PTPRN2: variants seen among roughly 807,000 people sequenced by gnomAD.
PTPRN2 encodes the protein protein tyrosine phosphatase receptor type N2.
Under a neutral mutation model 118.8 loss-of-function variants are expected in PTPRN2, and 74 were observed. That is an observed-to-expected ratio of 0.62 (90% CI 0.52 to 0.76). PTPRN2 has a LOEUF of 0.76. PTPRN2 is among the 30% of genes least tolerant of loss of function. The pLI, the probability that PTPRN2 is intolerant of heterozygous loss-of-function variation, is 0.00. For missense variants in PTPRN2, 1,481 were observed against 1,394.4 expected, an observed-to-expected ratio of 1.06 and a Z score of -0.99; for synonymous variants, 641 against 608.0, an observed-to-expected ratio of 1.05 and a Z score of -0.80.
At chr7:157,834,055 A>G (rs1426812599) in intron 12 of PTPRN2, among the ~76,000 whole-genome samples, 1 of 152,222 alleles carries the variant, frequency 6.6e-6, no homozygotes, top group East Asian at 1.9e-4. Context: ...CTATCCGCCA[A>G]TCAATGAGCC....
chr7:158,132,180 A>G (rs561201528), intron 9 of PTPRN2, among the ~76,000 whole-genome samples: 1 of 150,302 alleles, frequency 6.7e-6, no homozygotes, highest in African/African-American at 2.4e-5. Context: ...ACACACACAT[A>G]TACACACACA....
chr7:157,651,556 C>T (rs1008299726), intron 14 of PTPRN2, among the ~76,000 whole-genome samples: 3 of 152,152 alleles, frequency 2.0e-5, no homozygotes, highest in South Asian at 2.1e-4. Context: ...CCGACTCAGG[C>T]GTAATTAGTC....
chr7:158,089,868 C>CTGT (rs1563420473), intron 10 of PTPRN2, among the ~76,000 whole-genome samples: 34 of 57,400 alleles, frequency 5.9e-4, no homozygotes, highest in South Asian at 9.8e-4. Context: ...TCACACAAAC[C>CTGT]CTTCCTCCCC....
In PTPRN2 at chr7:157,861,271, C is replaced by T. The variant is rs776667188; in HGVS notation, c.1788+37402G>A. On this transcript the variant is annotated intron_variant, in intron 12 of 22. Transcript: ENST00000389418. The surrounding 1 kb of genome is among the most constrained non-coding windows in gnomAD (Gnocchi z 5.8). ...CGTGAAGTCTATACAATAATGGAACCGAAGCCCTCTGTGGGGAATCCGTGG... is the reference window on the plus strand; with the variant it reads ...CGTGAAGTCTATACAATAATGGAACTGAAGCCCTCTGTGGGGAATCCGTGG... Among the ~76,000 whole-genome samples the T allele has an allele frequency of 3.3e-5, 5 of 152,224 alleles. No homozygotes were observed. Among genetic ancestry groups the T allele is most frequent in the South Asian group, 2.1e-4 (1 of 4,836 alleles).
chr7:158,583,300 CT>C (rs1375374738), intron 1 of PTPRN2, among the ~76,000 whole-genome samples: 2 of 152,204 alleles, frequency 1.3e-5, no homozygotes, highest in Admixed American at 6.5e-5. Context: ...ACCAGCTAAC[CT>C]TTGTCCCGTG....
chr7:157,772,212 C>G (rs1176679389), intron 12 of PTPRN2, among the ~76,000 whole-genome samples: 1 of 151,592 alleles, frequency 6.6e-6, no homozygotes. Context: ...CACAGAGACA[C>G]ACATAGACAC....
At chr7:157,695,795 C>T (rs1671096687) in intron 12 of PTPRN2, among the ~76,000 whole-genome samples, 1 of 152,256 alleles carries the variant, frequency 6.6e-6, no homozygotes, top group African/African-American at 2.4e-5. Flanking sequence ...TCCATTGCAA[C>T]AATAGGGCAG....
rs1417247859 is a variant in PTPRN2 at position 158,438,060 on chromosome 7, C to T, written c.163+51675G>A. Among the ~76,000 whole-genome samples the T allele has an allele frequency of 6.6e-6, 1 of 152,192 alleles. No homozygotes were observed. The highest frequency in any genetic ancestry group is 1.9e-4 in the East Asian group (1 of 5,182). Reference sequence around the variant, plus strand: ...AGCCCGCAGGGAGTGGGCTCCCTAACAGTGCCCCTCCGATGGGTCTTTTTT... The same window carrying T: ...AGCCCGCAGGGAGTGGGCTCCCTAATAGTGCCCCTCCGATGGGTCTTTTTT... On this transcript the variant is annotated intron_variant, in intron 2 of 22. Transcript: ENST00000389418. The surrounding 1 kb of genome is among the most constrained non-coding windows in gnomAD (Gnocchi z 4.7).
At chr7:157,720,943 G>GT (rs2150913340) in intron 12 of PTPRN2, among the ~76,000 whole-genome samples, 1 of 152,320 alleles carries the variant, frequency 6.6e-6, no homozygotes, top group South Asian at 2.1e-4. Context: ...AGTTGAGGAA[G>GT]GTCTCATTAC....
chr7:158,331,230 G>T (rs60465273), intron 2 of PTPRN2, among the ~76,000 whole-genome samples: 1 of 7,612 alleles, frequency 1.3e-4, no homozygotes, highest in Non-Finnish European at 2.7e-4. Flanking sequence ...AAGAGCTGAC[G>T]CCCGCAGACG....
chr7:158,112,655 G>A (rs1816380547), intron 9 of PTPRN2, among the ~76,000 whole-genome samples: 1 of 152,216 alleles, frequency 6.6e-6, no homozygotes, highest in African/African-American at 2.4e-5. Context: ...ACGTGGACAT[G>A]GGGACCCCAG....
At chr7:157,655,343 G>A (rs993967640) in intron 14 of PTPRN2, among the ~76,000 whole-genome samples, 18 of 152,234 alleles carry the variant, frequency 1.2e-4, no homozygotes, top group African/African-American at 3.1e-4. Context: ...TCCCTGGAGC[G>A]TCAGCTGGGC....
At chr7:158,225,876 T>A (rs1259704209) in intron 3 of PTPRN2, among the ~76,000 whole-genome samples, 2 of 141,560 alleles carry the variant, frequency 1.4e-5, no homozygotes, top group Non-Finnish European at 3.0e-5. Flanking sequence ...GGATGGTGTA[T>A]GACATGGGGA....
At chr7:157,971,648 TTTGA>T (rs529532400) in intron 11 of PTPRN2, among the ~76,000 whole-genome samples, 3 of 152,066 alleles carry the variant, frequency 2.0e-5, no homozygotes, top group Non-Finnish European at 2.9e-5. Context: ...TCTTGCACAC[TTTGA>T]TTAAGACACA....
In PTPRN2 at chr7:157,598,239, G is replaced by C. The variant is rs55647063; in HGVS notation, c.2419-2924C>G. ...CACGGCACCTACTCTGGCTTCCTCC[G>C]GTCTTCATTCTTACCCTTCGCCTCC... is the stretch of plus-strand genomic sequence containing the variant. On this transcript the variant is annotated intron_variant, in intron 16 of 22. Coordinates refer to ENST00000389418, the MANE Select transcript of PTPRN2 (RefSeq NM_002847.5). The surrounding 1 kb of genome is among the most constrained non-coding windows in gnomAD (Gnocchi z 5.2). 6.6e-6 allele frequency among the ~76,000 whole-genome samples: 1 copy of C among 152,094 alleles called. No homozygotes were observed. Among genetic ancestry groups the C allele is most frequent in the Non-Finnish European group, 1.5e-5 (1 of 68,036 alleles).
At chr7:157,999,273 G>A (rs1406001009) in intron 11 of PTPRN2, among the ~76,000 whole-genome samples, 1 of 152,168 alleles carries the variant, frequency 6.6e-6, no homozygotes, top group African/African-American at 2.4e-5. Flanking sequence ...TAGTCGGCTT[G>A]TCCACTCTCA....
chr7:158,171,763 C>T lies in PTPRN2; in HGVS notation c.550-4472G>A, dbSNP rs1055261822. Among the ~76,000 whole-genome samples, 4 of 152,294 alleles carry T rather than the reference C, an allele frequency of 2.6e-5. No individual in the cohort carries two copies. The East Asian group carries it at 7.7e-4, about 29-fold the overall frequency. On this transcript the variant is annotated intron_variant, in intron 5 of 22. Coordinates refer to ENST00000389418, the MANE Select transcript of PTPRN2 (RefSeq NM_002847.5). ...GCTCTGAGTTTAAAATTCTGTGACT[C>T]ATTTTCAAACCCCCTGTTGTGAAGA... is the stretch of plus-strand genomic sequence containing the variant.
chr7:157,883,890 A>T (rs565822494), intron 12 of PTPRN2, among the ~76,000 whole-genome samples: 1 of 151,668 alleles, frequency 6.6e-6, no homozygotes, highest in South Asian at 2.1e-4. Flanking sequence ...CACCACCCCA[A>T]AATGACTGTT....
Position 157,656,468 on chromosome 7 carries a change from G to T in PTPRN2, c.2085C>A (p.Ser695=). ...PHTSRISSVS[S]QFSDGPIPSP... is the part of the protein sequence containing the mutation. ...TGGGGATCGGCCCGTCGCTGAACTG[G>T]GATGAGACGCTGCTGATGCGTGACG... Residue 695 remains serine, a synonymous_variant, in exon 14 of 23, where the codon TCC becomes TCA. Coordinates refer to ENST00000389418, the MANE Select transcript of PTPRN2 (RefSeq NM_002847.5). 2 of 1,555,644 alleles carry T rather than the reference G, an allele frequency of 1.3e-6. No homozygotes were observed. The highest frequency in any genetic ancestry group is 1.7e-6 in the Non-Finnish European group (2 of 1,152,218).
Sources: allele counts gnomAD v4.1 joint callset (sites outside exome capture counted in the v4.1 genomes callset), GRCh38; gene constraint gnomAD v4.1.1; non-coding constraint Gnocchi (gnomAD v3.1); transcripts MANE v1.5; gene names NCBI Gene and HGNC (gene_info 2026-07-23, HGNC 2026-07-21).